PAPOLA: variants seen among roughly 807,000 people sequenced by gnomAD.
The protein encoded by PAPOLA is polynucleotide adenylyltransferase alpha.
In PAPOLA, 15 loss-of-function variants were observed where a neutral mutation model predicts 100.6. The observed-to-expected ratio is 0.15, with a 90% CI of 0.10 to 0.23. The LOEUF is 0.23. PAPOLA is among the 10% of genes least tolerant of loss of function. The pLI, the probability that PAPOLA is intolerant of heterozygous loss-of-function variation, is 1.00. For missense variants in PAPOLA, 533 were observed against 884.2 expected (o/e 0.60, Z 5.04); for synonymous variants, 293 against 300.0 (o/e 0.98, Z 0.24).
intron 12 of PAPOLA, chr14:96,537,363 C>A (rs903589412): frequency 4.2e-6 from 1 of 235,420 alleles, no homozygotes; most frequent in Non-Finnish European, 8.2e-6. Context: ...AGTGGATGCA[C>A]CCTGAAAAAT....
intron 4 of PAPOLA, chr14:96,526,002 C>G (rs143550410): frequency 6.6e-6 from 1 of 151,990 alleles, no homozygotes; most frequent in East Asian, 1.9e-4. Flanking sequence ...TCATGGATGC[C>G]CCCCGCTAAT....
At chr14:96,542,173 A>G (rs1595540562) in intron 12 of PAPOLA, 70 bp from the exon 13 acceptor site, 1 of 936,966 alleles carries the variant, frequency 1.1e-6, no homozygotes, top group East Asian at 2.4e-5. Flanking sequence ...GAAGCTTATT[A>G]CTTTATGGTT....
chr14:96,548,125 A>G (rs548794965), intron 16 of PAPOLA, among the ~76,000 whole-genome samples: 1 of 152,206 alleles, frequency 6.6e-6, no homozygotes, highest in East Asian at 1.9e-4. Context: ...TTTTAGAAGG[A>G]TTAGTGGTGA....
At chr14:96,545,009 A>G (rs889031171) in intron 15 of PAPOLA, among the ~76,000 whole-genome samples, 8 of 152,038 alleles carry the variant, frequency 5.3e-5, no homozygotes, top group Non-Finnish European at 1.2e-4. Flanking sequence ...TTTTAATGGG[A>G]ATGGCAAATA....
intron 1 of PAPOLA, among the ~76,000 whole-genome samples, chr14:96,503,496 C>A (rs563254076): frequency 6.6e-6 from 1 of 152,076 alleles, no homozygotes; most frequent in East Asian, 1.9e-4. Flanking sequence ...TTTGGCAGCT[C>A]ATTGCCAGTA....
At chr14:96,524,013 C>G (rs561865788) in intron 3 of PAPOLA, among the ~76,000 whole-genome samples, 98 of 151,336 alleles carry the variant, frequency 6.5e-4, no homozygotes, top group Non-Finnish European at 1.2e-3. Flanking sequence ...TAAATATGCT[C>G]TTAAAAAACA....
At chr14:96,513,616 T>C (rs1396686637) in intron 1 of PAPOLA, among the ~76,000 whole-genome samples, 1 of 151,826 alleles carries the variant, frequency 6.6e-6, no homozygotes, top group Non-Finnish European at 1.5e-5. Flanking sequence ...TAAGGGCTCG[T>C]TTTTTTTACA....
intron 1 of PAPOLA, among the ~76,000 whole-genome samples, chr14:96,506,271 G>T (rs995530035): frequency 3.3e-5 from 5 of 152,118 alleles, no homozygotes; most frequent in African/African-American, 1.2e-4. Flanking sequence ...GTAAAAGGAG[G>T]TTAATTTTAT....
chr14:96,506,735 A>G (rs1896741183), intron 1 of PAPOLA, among the ~76,000 whole-genome samples: 1 of 152,250 alleles, frequency 6.6e-6, no homozygotes. Flanking sequence ...GTAGACCTGT[A>G]TAATTCAGTG....
intron 15 of PAPOLA, among the ~76,000 whole-genome samples, chr14:96,545,900 A>G (rs1039761522): frequency 2.0e-5 from 3 of 152,066 alleles, no homozygotes; most frequent in Non-Finnish European, 2.9e-5. Context: ...ACTTACCTGG[A>G]TTAGAAATTT....
chr14:96,542,861 G>T lies in PAPOLA; in HGVS notation c.1257G>T (p.Gln419His). 1 of 1,612,222 alleles carries T rather than the reference G, an allele frequency of 6.2e-7. No individual in the cohort carries two copies. Among genetic ancestry groups the T allele is most frequent in the South Asian group, 1.1e-5 (1 of 90,522 alleles). Residue 419 changes from glutamine (Q) to histidine (H), a missense_variant, in exon 14 of 22, where the codon CAG becomes CAT. Coordinates refer to ENST00000216277, the MANE Select transcript of PAPOLA (RefSeq NM_032632.5). ...TTACACTGGCTCATGTGAATCCCCA[G>T]TCATTTCCAGCACCCAAAGAAAATC... ...EFITLAHVNP[Q>H]SFPAPKENPD...
Position 96,507,280 on chromosome 14 carries a change from G to GTTTTTTTTTTTT in PAPOLA, c.8+4694_8+4705dup, listed in dbSNP as rs71103533. Among the ~76,000 whole-genome samples the GTTTTTTTTTTTT allele has an allele frequency of 8.7e-4, 70 of 80,702 alleles. 1 individual carries two copies. Among genetic ancestry groups the GTTTTTTTTTTTT allele is most frequent in the African/African-American group, 3.3e-3 (58 of 17,606 alleles). The allele number at this position is 80,702 out of a possible 152,430, so 52.9% of individuals were successfully genotyped here. On this transcript the variant is annotated intron_variant, in intron 1 of 21. Coordinates refer to ENST00000216277, the MANE Select transcript of PAPOLA (RefSeq NM_032632.5). ...ACTAAATTTTTTGTTTTGGAAAATA[G>GTTTTTTTTTTTT]TTTTTTTTTTTTTTTTTTTTTTTTT...
At chr14:96,528,707 C>T (rs557916376) in intron 6 of PAPOLA, among the ~76,000 whole-genome samples, 9 of 152,064 alleles carry the variant, frequency 5.9e-5, no homozygotes, top group Non-Finnish European at 1.2e-4. Flanking sequence ...GGCAATGTAG[C>T]GAGACTTAAT....
chr14:96,549,470 G>A (rs950890796), intron 16 of PAPOLA, among the ~76,000 whole-genome samples: 2 of 151,932 alleles, frequency 1.3e-5, no homozygotes, highest in South Asian at 2.1e-4. Context: ...GGATGGTCTC[G>A]ATCTCCTGGC....
In PAPOLA at chr14:96,531,408, G is replaced by T. The variant is rs529803007; in HGVS notation, c.496-67G>T. ...GAGTGCTGGGATTTTTTGTTTGTTT[G>T]TTTTTTCATAGAAATGCCTTAAAAG... On this transcript the variant is annotated intron_variant, in intron 6 of 21. Coordinates refer to ENST00000216277, the MANE Select transcript of PAPOLA (RefSeq NM_032632.5). The T allele has an allele frequency of 9.5e-5, 121 of 1,279,138 alleles. No individual in the cohort carries two copies. The African/African-American group carries it at 1.5e-3, about 16-fold the overall frequency. The allele number at this position is 1,279,138 out of a possible 1,614,324, so 79.2% of individuals were successfully genotyped here.
chr14:96,535,792 C>G (rs1899473318), intron 10 of PAPOLA, 87 bp from the exon 11 acceptor site: 1 of 1,128,534 alleles, frequency 8.9e-7, no homozygotes, highest in South Asian at 3.1e-5. Context: ...AAAATAGAAT[C>G]ATTGGTTCAG....
At chr14:96,503,872 C>A (rs894620760) in intron 1 of PAPOLA, among the ~76,000 whole-genome samples, 2 of 152,110 alleles carry the variant, frequency 1.3e-5, no homozygotes, top group Admixed American at 1.3e-4. Context: ...ACCTTAATGA[C>A]TTCTATCGCA....
At chr14:96,543,402 TG>T (rs1900147586) in intron 14 of PAPOLA, among the ~76,000 whole-genome samples, 1 of 152,082 alleles carries the variant, frequency 6.6e-6, no homozygotes, top group Admixed American at 6.6e-5. Flanking sequence ...GTTGTTGATT[TG>T]ATTGTTTGCT....
At chr14:96,556,071 CA>C in intron 18 of PAPOLA, 103 bp from the exon 19 acceptor site, 1 of 1,178,930 alleles carries the variant, frequency 8.5e-7, no homozygotes, top group South Asian at 1.3e-5. Context: ...TTATTTTTTG[CA>C]TGTAAAGTTA....
Sources: allele counts gnomAD v4.1 joint callset (sites outside exome capture counted in the v4.1 genomes callset), GRCh38; gene constraint gnomAD v4.1.1; transcripts MANE v1.5; gene names NCBI Gene and HGNC (gene_info 2026-07-23, HGNC 2026-07-21).